The following AKAP12 variants were observed in gnomAD, a reference collection of about 807,000 sequenced individuals.
AKAP12 encodes A-kinase anchor protein 12.
AKAP12 carries 32 observed loss-of-function variants against 79.9 expected under a neutral mutation model. The observed-to-expected ratio is 0.40, with a 90% CI of 0.30 to 0.54. The LOEUF (loss-of-function observed/expected upper bound fraction) is 0.54. Among genes scored for constraint, AKAP12 ranks in the 20% least tolerant of loss-of-function variants. The pLI, the probability that AKAP12 is intolerant of heterozygous loss-of-function variation, is 0.48. For missense variants in AKAP12, 2,074 were observed against 2,177.0 expected (o/e 0.95, Z 0.94); for synonymous variants, 808 against 857.0 (o/e 0.94, Z 1.00).
intron 3 of AKAP12, among the ~76,000 whole-genome samples, chr6:151,330,695 A>G (rs1401258501): frequency 2.0e-5 from 3 of 152,178 alleles, no homozygotes; most frequent in African/African-American, 7.2e-5. Flanking sequence ...TAAAAACATT[A>G]ATATTTTGTA....
chr6:151,354,614 C>T (rs546075639), intron 4 of AKAP12, among the ~76,000 whole-genome samples: 11 of 152,204 alleles, frequency 7.2e-5, no homozygotes, highest in Non-Finnish European at 1.3e-4. Context: ...CCTCGTGATC[C>T]GCCCGCCTTG....
intron 3 of AKAP12, among the ~76,000 whole-genome samples, chr6:151,314,872 G>A (rs761458354): frequency 6.6e-6 from 1 of 152,086 alleles, no homozygotes; most frequent in Non-Finnish European, 1.5e-5. Flanking sequence ...GGGCAACATA[G>A]TGAAACCCCG....
intron 2 of AKAP12, among the ~76,000 whole-genome samples, 170 bp downstream of exon 2, chr6:151,240,894 G>C (rs1199026406): frequency 6.6e-6 from 1 of 152,202 alleles, no homozygotes; most frequent in African/African-American, 2.4e-5. Context: ...GGTCTTTCGC[G>C]CCGGGGCGGG....
chr6:151,292,362 A>G (rs1776639705), intron 2 of AKAP12, among the ~76,000 whole-genome samples: 1 of 152,242 alleles, frequency 6.6e-6, no homozygotes, highest in African/African-American at 2.4e-5. Context: ...GTTAAAAATC[A>G]GCAATCAGTT....
chr6:151,307,911 C>G (rs569879110), intron 3 of AKAP12, among the ~76,000 whole-genome samples: 1 of 152,186 alleles, frequency 6.6e-6, no homozygotes, highest in Non-Finnish European at 1.5e-5. Flanking sequence ...GTCGCCCAGG[C>G]TGGAGTGCAG....
At chr6:151,273,456 C>CA (rs1776231174) in intron 2 of AKAP12, among the ~76,000 whole-genome samples, 1 of 152,200 alleles carries the variant, frequency 6.6e-6, no homozygotes, top group Admixed American at 6.5e-5. Flanking sequence ...TCGCGTAAAT[C>CA]ACTGTGAAAT....
chr6:151,292,451 C>T (rs892272719), intron 2 of AKAP12, among the ~76,000 whole-genome samples: 9 of 152,136 alleles, frequency 5.9e-5, no homozygotes, highest in African/African-American at 1.7e-4. Context: ...GTATCTTAGA[C>T]GAATTGGTTC....
intron 2 of AKAP12, among the ~76,000 whole-genome samples, chr6:151,278,966 G>A (rs962248344): frequency 1.4e-4 from 22 of 152,172 alleles, no homozygotes; most frequent in African/African-American, 4.6e-4. Flanking sequence ...CGCGCCCGGC[G>A]GTAGTATCTA....
chr6:151,268,124 G>A (rs1051045569), intron 2 of AKAP12, among the ~76,000 whole-genome samples: 7 of 152,170 alleles, frequency 4.6e-5, no homozygotes, highest in African/African-American at 1.4e-4. Context: ...TATTAAAACA[G>A]TGTGACTGCT....
At chr6:151,272,536 T>TAGAC (rs1251192445) in intron 2 of AKAP12, among the ~76,000 whole-genome samples, 1 of 151,122 alleles carries the variant, frequency 6.6e-6, no homozygotes, top group East Asian at 1.9e-4. Flanking sequence ...GATAGATAGA[T>TAGAC]AGAGATGGAG....
intron 2 of AKAP12, 73 bp from the exon 3 acceptor site, chr6:151,305,674 G>T (rs547444213): frequency 7.1e-7 from 1 of 1,405,794 alleles, no homozygotes; most frequent in Non-Finnish European, 9.7e-7. Context: ...TTGTATTCTG[G>T]AAGTTAATGC....
At chr6:151,297,151 A>G (rs1305771583) in intron 2 of AKAP12, among the ~76,000 whole-genome samples, 2 of 151,502 alleles carry the variant, frequency 1.3e-5, no homozygotes, top group Non-Finnish European at 2.9e-5. Context: ...TTTGAGTTAC[A>G]TTGATGGGTG....
intron 3 of AKAP12, among the ~76,000 whole-genome samples, chr6:151,332,182 G>A (rs1458200510): frequency 1.3e-5 from 2 of 151,650 alleles, no homozygotes; most frequent in South Asian, 2.1e-4. Context: ...GATTACAGGC[G>A]CCCGCCACCA....
chr6:151,324,490 C>T (rs745794117), intron 3 of AKAP12: 50 of 985,340 alleles, frequency 5.1e-5, no homozygotes, highest in Non-Finnish European at 5.9e-5. Context: ...CCCTGATTCT[C>T]CTGTTCCTCG....
intron 2 of AKAP12, among the ~76,000 whole-genome samples, chr6:151,244,739 G>C (rs2114674715): frequency 6.6e-6 from 1 of 152,340 alleles, no homozygotes; most frequent in African/African-American, 2.4e-5. Flanking sequence ...ATGTTTCTCT[G>C]TGTGTGGCTA....
At chr6:151,298,987 G>A (rs1776798195) in intron 2 of AKAP12, 1 of 152,174 alleles carries the variant, frequency 6.6e-6, no homozygotes, top group South Asian at 2.1e-4. Context: ...TATGAGGGAG[G>A]TAAGAAATGT....
Position 151,349,426 on chromosome 6 carries a change from T to TGCCTCCGAGAAACTGACC in AKAP12, c.1045_1062dup (p.Lys349_Glu354dup), listed in dbSNP as rs1582900459. The TGCCTCCGAGAAACTGACC allele has an allele frequency of 6.2e-7, 1 of 1,609,672 alleles. No individual in the cohort carries two copies. Among genetic ancestry groups the TGCCTCCGAGAAACTGACC allele is most frequent in the Non-Finnish European group, 8.5e-7 (1 of 1,178,886 alleles). Reference sequence around the variant, plus strand: ...CAGAAGAAGACGGAAAGGCAGAGGTTGCCTCCGAGAAACTGACCGCCTCCG... The same window carrying TGCCTCCGAGAAACTGACC: ...CAGAAGAAGACGGAAAGGCAGAGGTTGCCTCCGAGAAACTGACCGCCTCCGAGAAACTGACCGCCTCCG... On this transcript the variant is annotated inframe_insertion, in exon 4 of 5. Coordinates refer to ENST00000402676, the MANE Select transcript of AKAP12 (RefSeq NM_005100.4).
chr6:151,339,596 C>T (rs780994024), intron 3 of AKAP12, among the ~76,000 whole-genome samples: 1 of 152,022 alleles, frequency 6.6e-6, no homozygotes, highest in Non-Finnish European at 1.5e-5. Context: ...TGGTTATCAC[C>T]CAAAGTCCAT....
chr6:151,341,215 C>G (rs1777937320), intron 3 of AKAP12, among the ~76,000 whole-genome samples: 1 of 152,058 alleles, frequency 6.6e-6, no homozygotes, highest in African/African-American at 2.4e-5. Flanking sequence ...CCACGCCCGG[C>G]TAATTTGTTT....
Sources: gnomAD v4.1 joint callset for allele counts (sites outside exome capture counted in the v4.1 genomes callset) on GRCh38, gnomAD v4.1.1 for gene constraint, MANE v1.5 for transcripts, NCBI Gene and HGNC (gene_info 2026-07-23, HGNC 2026-07-21) for gene names.